RBFOX1: variants seen among roughly 807,000 people sequenced by gnomAD.
The protein encoded by RBFOX1 is RNA binding fox-1 homolog 1.
Under a neutral mutation model 57.7 loss-of-function variants are expected in RBFOX1, and 8 were observed. That is an observed-to-expected ratio of 0.14 (90% CI 0.08 to 0.25). The LOEUF (loss-of-function observed/expected upper bound fraction) is 0.25, where lower values mean the gene tolerates loss of function less well. Among genes scored for constraint, RBFOX1 ranks in the 10% least tolerant of loss-of-function variants. The probability of loss-of-function intolerance (pLI) is 1.00; values close to 1 mark genes in which losing one functional copy is unlikely to be tolerated. For missense variants in RBFOX1, 611 were observed against 548.5 expected (o/e 1.11, Z -1.14); for synonymous variants, 326 against 222.4 (o/e 1.47, Z -4.15).
intron 4 of RBFOX1, among the ~76,000 whole-genome samples, chr16:7,192,991 T>A (rs547391567): frequency 6.6e-6 from 1 of 152,204 alleles, no homozygotes; most frequent in Non-Finnish European, 1.5e-5. Flanking sequence ...TTGGACAAGG[T>A]GGTAGGCAAA....
chr16:6,391,560 A>C (rs1397179037), intron 2 of RBFOX1, among the ~76,000 whole-genome samples: 1 of 152,066 alleles, frequency 6.6e-6, no homozygotes, highest in Non-Finnish European at 1.5e-5. Flanking sequence ...CACATTTTTA[A>C]AGATCATTCT....
intron 4 of RBFOX1, among the ~76,000 whole-genome samples, chr16:7,072,601 A>G (rs1009395906): frequency 1.3e-5 from 2 of 152,364 alleles, no homozygotes; most frequent in African/African-American, 2.4e-5. Flanking sequence ...TGGCTACAAG[A>G]TAACCGTTAT....
intron 5 of RBFOX1, among the ~76,000 whole-genome samples, chr16:7,548,243 C>G (rs2085189109): frequency 6.6e-6 from 1 of 152,164 alleles, no homozygotes. Flanking sequence ...GTGATCTTGG[C>G]TCACTGCAAT....
At chr16:5,982,963 A>G (rs548644978) in intron 4 of RBFOX1, among the ~76,000 whole-genome samples, 17 of 152,156 alleles carry the variant, frequency 1.1e-4, no homozygotes, top group Non-Finnish European at 2.1e-4. Flanking sequence ...CAGATGTACC[A>G]TTGTCCAGTT....
intron 1 of RBFOX1, among the ~76,000 whole-genome samples, chr16:6,152,850 G>T (rs1329698683): frequency 1.3e-5 from 2 of 152,058 alleles, no homozygotes; most frequent in South Asian, 2.1e-4. Context: ...GACCTTACTT[G>T]AACAAAGAGA....
chr16:7,120,164 A>G (rs1291315152), intron 4 of RBFOX1, among the ~76,000 whole-genome samples: 3 of 152,094 alleles, frequency 2.0e-5, no homozygotes, highest in Admixed American at 6.6e-5. Flanking sequence ...ATTTTACAAA[A>G]TATATGGTGG....
Position 7,676,581 on chromosome 16 carries a change from C to T in RBFOX1, c.931-193C>T, listed in dbSNP as rs539468634. 1.2e-4 allele frequency among the ~76,000 whole-genome samples: 18 copies of T among 152,294 alleles called. No individual in the cohort carries two copies. The South Asian group carries it at 2.1e-3, about 18-fold the overall frequency. On this transcript the variant is annotated intron_variant, in intron 13 of 15. Coordinates refer to ENST00000550418, the MANE Select transcript of RBFOX1 (RefSeq NM_018723.4). The stretch of plus-strand genomic sequence containing the variant: ...CTTATGACCGCTAACCTTTAACATC[C>T]AGCTGGGGTTGGTATTCCACCCCTT...
rs1035953460 is a variant in RBFOX1 at position 7,198,196 on chromosome 16, G to T, written c.27+146098G>T. Among the ~76,000 whole-genome samples the T allele has an allele frequency of 2.6e-5, 4 of 151,854 alleles. No homozygotes were observed. In the East Asian group the frequency reaches 7.8e-4, roughly 29 times the overall value. On this transcript the variant is annotated intron_variant, in intron 4 of 15. Coordinates refer to ENST00000550418, the MANE Select transcript of RBFOX1 (RefSeq NM_018723.4). ...AATCTTTTGTATTTTTAGTAGAGAC[G>T]GGGTTTCACCGTGTTAGCCAGGATG...
intron 4 of RBFOX1, among the ~76,000 whole-genome samples, chr16:5,897,727 G>C (rs2058202261): frequency 6.6e-6 from 1 of 152,090 alleles, no homozygotes; most frequent in Non-Finnish European, 1.5e-5. Context: ...AGACCTGACT[G>C]GTGTCTCCCC....
chr16:7,131,840 A>T (rs1051994822), intron 4 of RBFOX1, among the ~76,000 whole-genome samples: 1 of 151,948 alleles, frequency 6.6e-6, no homozygotes, highest in Non-Finnish European at 1.5e-5. Context: ...CTACATCTAA[A>T]CATCCAAATG....
At chr16:6,035,006 C>T (rs926597112) in intron 1 of RBFOX1, among the ~76,000 whole-genome samples, 4 of 102,936 alleles carry the variant, frequency 3.9e-5, no homozygotes, top group South Asian at 2.9e-4. Context: ...AATGTCAACC[C>T]GATTGTGCTG....
chr16:6,525,279 C>G (rs2096562895), intron 2 of RBFOX1, among the ~76,000 whole-genome samples: 1 of 152,196 alleles, frequency 6.6e-6, no homozygotes, highest in Admixed American at 6.5e-5. Flanking sequence ...GCAGAATTAT[C>G]AAATCCTAAA....
intron 4 of RBFOX1, among the ~76,000 whole-genome samples, chr16:7,342,728 C>G (rs1359943073): frequency 1.3e-5 from 2 of 151,988 alleles, no homozygotes; most frequent in Admixed American, 1.3e-4. Context: ...AGTTTGACAT[C>G]TTGGCTCATG....
intron 1 of RBFOX1, among the ~76,000 whole-genome samples, chr16:6,140,869 T>TA (rs2096710379): frequency 6.6e-6 from 1 of 152,220 alleles, no homozygotes; most frequent in Non-Finnish European, 1.5e-5. Flanking sequence ...ACCCATTTAC[T>TA]ACCCTTTTAA....
chr16:5,528,396 C>T (rs146158696), intron 2 of RBFOX1, among the ~76,000 whole-genome samples: 41 of 152,252 alleles, frequency 2.7e-4, no homozygotes, highest in African/African-American at 9.6e-4. Context: ...TGCACATTTA[C>T]GTTGTGTTAA....
intron 2 of RBFOX1, among the ~76,000 whole-genome samples, chr16:5,529,523 T>A (rs8053715): frequency 0.7 from 105,869 of 150,668 alleles, 37,796 homozygotes; most frequent in East Asian, 0.88. Flanking sequence ...CAGCCTCCCA[T>A]GTAGCTGGGA....
intron 3 of RBFOX1, among the ~76,000 whole-genome samples, chr16:6,999,326 G>A (rs2092584730): frequency 6.6e-6 from 1 of 150,834 alleles, no homozygotes; most frequent in African/African-American, 2.4e-5. Flanking sequence ...AAAAGTGATG[G>A]GATGACAGGC....
intron 3 of RBFOX1, among the ~76,000 whole-genome samples, chr16:7,046,237 G>GT (rs2047885954): frequency 5.5e-5 from 8 of 146,590 alleles, no homozygotes; most frequent in East Asian, 2.0e-4. Flanking sequence ...TAGGTAAAGG[G>GT]GTGTGTGTGT....
intron 3 of RBFOX1, among the ~76,000 whole-genome samples, chr16:6,665,734 T>C (rs896114108): frequency 3.3e-5 from 5 of 151,906 alleles, no homozygotes; most frequent in South Asian, 2.1e-4. Flanking sequence ...CTACCTTGCA[T>C]TGAGGATTTA....
Sources: allele counts gnomAD v4.1 joint callset (sites outside exome capture counted in the v4.1 genomes callset), GRCh38; gene constraint gnomAD v4.1.1; transcripts MANE v1.5; gene names NCBI Gene and HGNC (gene_info 2026-07-23, HGNC 2026-07-21).